Variants in DDX60 observed in about 807,000 individuals in gnomAD.
DDX60 encodes probable ATP-dependent RNA helicase DDX60.
Under a neutral mutation model 212.8 loss-of-function variants are expected in DDX60, and 165 were observed. The observed-to-expected ratio is 0.78, with a 90% CI of 0.68 to 0.88. The LOEUF is 0.88. DDX60 is among the 40% of genes least tolerant of loss of function. The pLI is 0.00. For missense variants in DDX60, 1,905 were observed against 2,003.9 expected (o/e 0.95, Z 0.94); for synonymous variants, 703 against 685.3 (o/e 1.03, Z -0.40).
chr4:168,236,701 T>C (rs562381521), intron 32 of DDX60, among the ~76,000 whole-genome samples: 1 of 151,956 alleles, frequency 6.6e-6, no homozygotes, highest in Non-Finnish European at 1.5e-5. Context: ...CAAAGGATTT[T>C]AATCAAAAAT....
chr4:168,297,565 G>T (rs1384478394), intron 6 of DDX60, among the ~76,000 whole-genome samples: 2 of 152,054 alleles, frequency 1.3e-5, no homozygotes, highest in Non-Finnish European at 2.9e-5. Context: ...ACCAAAAAAG[G>T]TCAGAAAAAT....
chr4:168,274,271 T>C (rs1735231945), intron 16 of DDX60, among the ~76,000 whole-genome samples, 188 bp from the exon 17 acceptor site: 1 of 152,228 alleles, frequency 6.6e-6, no homozygotes, highest in Non-Finnish European at 1.5e-5. Flanking sequence ...AGGTGGGTTT[T>C]ATGTGTGACA....
At chr4:168,318,534 C>T (rs899029814) in intron 1 of DDX60, 88 bp downstream of exon 1, 2 of 152,426 alleles carry the variant, frequency 1.3e-5, no homozygotes, top group Non-Finnish European at 2.9e-5. Flanking sequence ...TGGGCCACCT[C>T]CCTGTCCGGT....
chr4:168,320,893 C>T (rs1451184825), upstream of DDX60, among the ~76,000 whole-genome samples: 3 of 152,158 alleles, frequency 2.0e-5, no homozygotes, highest in Admixed American at 6.5e-5. Context: ...AACCCAATGG[C>T]CTATCTACAA....
chr4:168,262,911 T>C (rs1734684145), intron 22 of DDX60, 124 bp from the exon 23 acceptor site: 6 of 559,962 alleles, frequency 1.1e-5, no homozygotes, highest in Non-Finnish European at 1.8e-5. Context: ...CAAATGCTGA[T>C]AGGTGCTAAA....
chr4:168,322,070 G>A (rs936636829), upstream of DDX60, among the ~76,000 whole-genome samples: 1 of 152,064 alleles, frequency 6.6e-6, no homozygotes, highest in Non-Finnish European at 1.5e-5. Flanking sequence ...AATCTGATCT[G>A]GAACTGCTCT....
chr4:168,292,461 G>A (rs973485410), intron 7 of DDX60, among the ~76,000 whole-genome samples: 2 of 151,988 alleles, frequency 1.3e-5, no homozygotes, highest in African/African-American at 2.4e-5. Flanking sequence ...TGGCTTAATC[G>A]CATTTAAAAT....
chr4:168,292,049 C>CCTT (rs1553970663), intron 7 of DDX60, 143 bp from the exon 8 acceptor site: 52 of 303,568 alleles, frequency 1.7e-4, no homozygotes, highest in African/African-American at 6.0e-4. Context: ...TTCTTTCTTT[C>CCTT]TTTTTTTTTT....
rs73863019 is a variant in DDX60 at position 168,262,567 on chromosome 4, T to C, written c.3144+116A>G. 5,565 of 686,470 alleles carry C rather than the reference T, an allele frequency of 8.1e-3. 216 individuals are homozygous for C. The African/African-American group carries it at 0.093, about 11-fold the overall frequency. 42.5% of individuals were successfully genotyped at this position (686,470 alleles called of 1,614,324 possible). On this transcript the variant is annotated intron_variant, in intron 23 of 37. Transcript: ENST00000393743. ...GAAATATGAGAAGAGGCACTCTTAT[T>C]GTAGGAAGAGTCAACTAATAATTTT...
intron 14 of DDX60, 108 bp from the exon 15 acceptor site, chr4:168,276,289 G>C: frequency 1.1e-6 from 1 of 896,840 alleles, no homozygotes. Context: ...CTTGGCATTA[G>C]TGGAGGTTTT....
At chr4:168,325,768 A>C in the DDX60 span, among the ~76,000 whole-genome samples, 2 of 152,204 alleles carry the variant, frequency 1.3e-5, no homozygotes, top group Non-Finnish European at 2.9e-5. Flanking sequence ...TACACAACAG[A>C]CCTCAGGATT....
At chr4:168,307,970 C>A in intron 4 of DDX60, 36 bp downstream of exon 4, 1 of 1,370,756 alleles carries the variant, frequency 7.3e-7, no homozygotes, top group South Asian at 1.7e-5. Flanking sequence ...AGTTTTAGTT[C>A]TCATATTATA....
chr4:168,253,906 AT>A (rs1189224770), intron 26 of DDX60, among the ~76,000 whole-genome samples: 1 of 152,080 alleles, frequency 6.6e-6, no homozygotes, highest in African/African-American at 2.4e-5. Context: ...GATTTTTTAA[AT>A]TTTTCTCTTA....
chr4:168,308,235 T>C, intron 3 of DDX60, 40 bp from the exon 4 acceptor site: 1 of 1,189,008 alleles, frequency 8.4e-7, no homozygotes, highest in Non-Finnish European at 1.2e-6. Context: ...CACATATGCA[T>C]TAAATCATGT....
chr4:168,314,339 A>T (rs79418153), intron 1 of DDX60, among the ~76,000 whole-genome samples: 1 of 152,008 alleles, frequency 6.6e-6, no homozygotes, highest in South Asian at 2.1e-4. Context: ...ACACACACAC[A>T]CACAAATTAG....
At position 168,274,006 on chromosome 4, in the gene DDX60, G is replaced by C. The variant is rs764959040; in HGVS notation, c.2382C>G (p.Ala794=). Reference sequence around the variant, plus strand: ...GCACTTTCTCCATACAGTAGTAGGAGGCATAGGTTTTGCCTGAGGACGTTG... The same window carrying C: ...GCACTTTCTCCATACAGTAGTAGGACGCATAGGTTTTGCCTGAGGACGTTG... ...VAPTSSGKTY[A]SYYCMEKVLK... is the part of the protein sequence containing the mutation. Residue 794 remains alanine (A), a synonymous_variant, in exon 17 of 38, where the codon GCC becomes GCG. Coordinates refer to ENST00000393743, the MANE Select transcript of DDX60 (RefSeq NM_017631.6). The C allele has an allele frequency of 6.2e-7, 1 of 1,614,222 alleles. No individual in the cohort carries two copies. Among genetic ancestry groups the C allele is most frequent in the Non-Finnish European group, 8.5e-7 (1 of 1,180,030 alleles).
chr4:168,321,177 GACCAC>G (rs1737603439), upstream of DDX60, among the ~76,000 whole-genome samples: 1 of 151,688 alleles, frequency 6.6e-6, no homozygotes, highest in African/African-American at 2.4e-5. Flanking sequence ...CTACTCCCAT[GACCAC>G]ACCCTGGACT....
chr4:168,284,509 C>T (rs867577197), intron 12 of DDX60, among the ~76,000 whole-genome samples: 1 of 152,152 alleles, frequency 6.6e-6, no homozygotes, highest in African/African-American at 2.4e-5. Context: ...GTTAAAATTG[C>T]TTGAAAGACT....
chr4:168,283,611 A>G lies in DDX60; in HGVS notation c.1562-5T>C, dbSNP rs765053877. The G allele has an allele frequency of 6.3e-7, 1 of 1,587,986 alleles. No homozygotes were observed. Among genetic ancestry groups the G allele is most frequent in the Non-Finnish European group, 8.6e-7 (1 of 1,168,310 alleles). On this transcript the variant is annotated splice_region_variant and splice_polypyrimidine_tract_variant and intron_variant, in intron 12 of 37. Coordinates refer to ENST00000393743, the MANE Select transcript of DDX60 (RefSeq NM_017631.6). Reference sequence around the variant, plus strand: ...CACGAGGGTCTCTAGATTTTTCTGAAAAAGAAAAGACTTAAAATGTAACTT... The same window carrying G: ...CACGAGGGTCTCTAGATTTTTCTGAGAAAGAAAAGACTTAAAATGTAACTT...
Sources: gnomAD v4.1 joint callset for allele counts (sites outside exome capture counted in the v4.1 genomes callset) on GRCh38, gnomAD v4.1.1 for gene constraint, MANE v1.5 for transcripts, NCBI Gene and HGNC (gene_info 2026-07-23, HGNC 2026-07-21) for gene names.